The following PRKG1 variants were observed in gnomAD, a reference collection of about 807,000 sequenced individuals.
PRKG1 encodes the protein cGMP-dependent protein kinase 1.
PRKG1 carries 35 observed loss-of-function variants against 88.1 expected under a neutral mutation model. The ratio of observed to expected loss-of-function variants is 0.40; its 90% confidence interval spans 0.30 to 0.53. The LOEUF (loss-of-function observed/expected upper bound fraction) is 0.53. PRKG1 is among the 20% of genes least tolerant of loss of function. The pLI, the probability that PRKG1 is intolerant of heterozygous loss-of-function variation, is 0.59. For missense variants in PRKG1, 540 were observed against 839.8 expected (o/e 0.64, Z 4.41); for synonymous variants, 303 against 292.5 (o/e 1.04, Z -0.37).
intron 3 of PRKG1, among the ~76,000 whole-genome samples, chr10:51,667,097 C>G (rs1299848321): frequency 6.6e-6 from 1 of 151,916 alleles, no homozygotes; most frequent in African/African-American, 2.4e-5. Context: ...CTATTATTGA[C>G]AAAAATAATA....
chr10:51,546,596 C>A (rs1053845140), intron 3 of PRKG1, among the ~76,000 whole-genome samples: 2 of 152,030 alleles, frequency 1.3e-5, no homozygotes, highest in Middle Eastern at 3.2e-3. Context: ...TTGAACTAAT[C>A]TTTAAATTCA....
At chr10:51,222,789 G>A (rs1397228241) in intron 2 of PRKG1, among the ~76,000 whole-genome samples, 1 of 152,006 alleles carries the variant, frequency 6.6e-6, no homozygotes, top group Non-Finnish European at 1.5e-5. Context: ...CGGTATTCCT[G>A]CCCACAACAC....
intron 2 of PRKG1, among the ~76,000 whole-genome samples, chr10:51,445,613 T>C (rs764202389): frequency 5.3e-5 from 8 of 151,968 alleles, no homozygotes; most frequent in Non-Finnish European, 7.4e-5. Flanking sequence ...TAGAAAAATT[T>C]CATTTTTTCA....
chr10:51,610,697 A>G (rs1234152142), intron 3 of PRKG1, among the ~76,000 whole-genome samples: 2 of 152,174 alleles, frequency 1.3e-5, no homozygotes, highest in Non-Finnish European at 2.9e-5. Context: ...GCTATGCATA[A>G]AAGGACACTA....
chr10:51,545,710 T>C (rs550445405), intron 3 of PRKG1, among the ~76,000 whole-genome samples: 59 of 152,258 alleles, frequency 3.9e-4, no homozygotes, highest in Non-Finnish European at 7.2e-4. Flanking sequence ...CCCCAGTGTA[T>C]GTACAAATGA....
intron 9 of PRKG1, among the ~76,000 whole-genome samples, chr10:52,183,899 A>G (rs1273293625): frequency 2.0e-5 from 3 of 152,180 alleles, no homozygotes; most frequent in African/African-American, 7.2e-5. Flanking sequence ...TGTGATGGCA[A>G]TGGGGGCTGC....
At chr10:52,020,713 C>A (rs1015146893) in intron 5 of PRKG1, among the ~76,000 whole-genome samples, 1 of 151,966 alleles carries the variant, frequency 6.6e-6, no homozygotes, top group Non-Finnish European at 1.5e-5. Flanking sequence ...TGAGCACATG[C>A]AATGTGTTTA....
chr10:52,022,919 G>T (rs900463393), intron 5 of PRKG1, among the ~76,000 whole-genome samples: 2 of 151,964 alleles, frequency 1.3e-5, no homozygotes, highest in Non-Finnish European at 2.9e-5. Flanking sequence ...ATAGGTGAGG[G>T]TGTTTTTTTA....
chr10:51,899,529 A>G (rs969982987), intron 4 of PRKG1, among the ~76,000 whole-genome samples: 1 of 151,444 alleles, frequency 6.6e-6, no homozygotes, highest in Non-Finnish European at 1.5e-5. Context: ...TGGCCAGCTC[A>G]TGCCTGTAGT....
Position 52,246,073 on chromosome 10 carries a change from CATT to C in PRKG1, c.1077-5494_1077-5492del, listed in dbSNP as rs140197814. ...TCACAAATTTTGTCCTGGGTTGAAA[CATT>C]ATATTTGGTTTCCAATACATAGGGA... On this transcript the variant is annotated intron_variant, in intron 9 of 17. Transcript: ENST00000373980. 4.0e-3 allele frequency among the ~76,000 whole-genome samples: 615 copies of C among 152,196 alleles called. 5 individuals carry two copies. Among genetic ancestry groups the C allele is most frequent in the African/African-American group, 0.014 (573 of 41,538 alleles).
At chr10:51,769,878 G>A (rs978326193) in intron 3 of PRKG1, among the ~76,000 whole-genome samples, 7 of 152,096 alleles carry the variant, frequency 4.6e-5, no homozygotes, top group African/African-American at 1.7e-4. Context: ...AAAACAAAAA[G>A]CAGAAAACTT....
intron 3 of PRKG1, among the ~76,000 whole-genome samples, chr10:51,621,405 T>C (rs1839208877): frequency 6.6e-6 from 1 of 152,144 alleles, no homozygotes; most frequent in African/African-American, 2.4e-5. Flanking sequence ...ATGTCTCTTT[T>C]TATTTAATGC....
intron 3 of PRKG1, among the ~76,000 whole-genome samples, chr10:51,758,855 C>T (rs28406749): frequency 6.7e-6 from 1 of 149,596 alleles, no homozygotes; most frequent in South Asian, 2.2e-4. Context: ...TTCCCCCCCA[C>T]CCCCCGACAG....
chr10:51,302,184 C>A (rs1032199977), intron 2 of PRKG1, among the ~76,000 whole-genome samples: 40 of 152,316 alleles, frequency 2.6e-4, no homozygotes, highest in Middle Eastern at 3.4e-3. Context: ...TTAATTGACA[C>A]CTGTTGATTG....
intron 2 of PRKG1, among the ~76,000 whole-genome samples, chr10:51,191,506 A>G (rs1449482193): frequency 6.6e-6 from 1 of 151,904 alleles, no homozygotes; most frequent in Non-Finnish European, 1.5e-5. Context: ...ACTTAATTTT[A>G]TCCCTTATTT....
intron 3 of PRKG1, among the ~76,000 whole-genome samples, chr10:51,725,639 T>TTTGTGGGGG (rs1842113341): frequency 6.6e-6 from 1 of 151,196 alleles, no homozygotes; most frequent in Non-Finnish European, 1.5e-5. Context: ...TTTTTTTTTT[T>TTTGTGGGGG]TGTGGGGGTC....
At chr10:52,289,311 A>G (rs780428495) in intron 16 of PRKG1, among the ~76,000 whole-genome samples, 2 of 152,154 alleles carry the variant, frequency 1.3e-5, no homozygotes, top group Non-Finnish European at 2.9e-5. Flanking sequence ...AGAATTACAA[A>G]TAAAAGTCCC....
At chr10:51,798,473 G>T (rs1372054767) in intron 3 of PRKG1, among the ~76,000 whole-genome samples, 6 of 152,002 alleles carry the variant, frequency 3.9e-5, no homozygotes, top group African/African-American at 1.4e-4. Flanking sequence ...TTTGATAAAA[G>T]GAAAAATTTT....
intron 3 of PRKG1, among the ~76,000 whole-genome samples, chr10:51,783,928 C>T (rs898532803): frequency 6.6e-5 from 10 of 152,134 alleles, no homozygotes; most frequent in East Asian, 3.9e-4. Flanking sequence ...AAAATAGGAA[C>T]GTAGCAGCTT....
Sources: allele counts gnomAD v4.1 joint callset (sites outside exome capture counted in the v4.1 genomes callset), GRCh38; gene constraint gnomAD v4.1.1; transcripts MANE v1.5; gene names NCBI Gene and HGNC (gene_info 2026-07-23, HGNC 2026-07-21).